ANGPTL2: variants seen among roughly 807,000 people sequenced by gnomAD.
ANGPTL2 encodes angiopoietin like 2.
A neutral mutation model predicts 52.8 loss-of-function variants in ANGPTL2; 25 were observed. That is an observed-to-expected ratio of 0.47 (90% CI 0.35 to 0.66). The LOEUF (loss-of-function observed/expected upper bound fraction) is 0.66, where lower values mean the gene tolerates loss of function less well. Among genes scored for constraint, ANGPTL2 ranks in the 30% least tolerant of loss-of-function variants. The pLI, the probability that ANGPTL2 is intolerant of heterozygous loss-of-function variation, is 0.01. For synonymous variants in ANGPTL2, 276 were observed against 277.4 expected, an observed-to-expected ratio of 1.00 and a Z score of 0.05; for missense variants, 546 against 656.9, an observed-to-expected ratio of 0.83 and a Z score of 1.84.
chr9:127,104,237 A>C (rs555832141), intron 2 of ANGPTL2, among the ~76,000 whole-genome samples: 169 of 152,228 alleles, frequency 1.1e-3, no homozygotes, highest in Non-Finnish European at 1.3e-3. Flanking sequence ...AGTTTCTGAC[A>C]AAGCCCGTCT....
At chr9:127,107,766 A>C (rs2054360541) in intron 2 of ANGPTL2, 149 bp downstream of exon 2, 1 of 725,998 alleles carries the variant, frequency 1.4e-6, no homozygotes, top group Non-Finnish European at 2.1e-6. Context: ...TGGCTCCAGC[A>C]GCTCAGCCCA....
At chr9:127,097,385 T>G (rs2053252097) in intron 2 of ANGPTL2, among the ~76,000 whole-genome samples, 1 of 152,276 alleles carries the variant, frequency 6.6e-6, no homozygotes, top group Non-Finnish European at 1.5e-5. Context: ...TGTGCATATG[T>G]GTCTGTACAC....
chr9:127,094,078 T>A, intron 2 of ANGPTL2, 152 bp from the exon 3 acceptor site: 1 of 753,626 alleles, frequency 1.3e-6, no homozygotes, highest in Non-Finnish European at 2.1e-6. Flanking sequence ...TTTGCGAGTT[T>A]AATAAGTAAT....
rs924329907 is a variant in ANGPTL2 at position 127,091,525 on chromosome 9, G to C, written c.1282+145C>G. 1.5e-5 allele frequency: 17 copies of C among 1,118,280 alleles called. No individual in the cohort carries two copies. Among genetic ancestry groups the C allele is most frequent in the Non-Finnish European group, 2.0e-5 (16 of 785,704 alleles). The allele number at this position is 1,118,280 out of a possible 1,614,324, so 69.3% of individuals were successfully genotyped here. ...CTGTGGGCAGGAGAAGGGACCCTCA[G>C]GGGGTGGTAACAGGGTCAGGCAGCT... On this transcript the variant is annotated intron_variant, in intron 4 of 4. Transcript: ENST00000373425. This position sits in a 1 kb window ranked among gnomAD's most constrained non-coding sequence, Gnocchi z 4.3.
chr9:127,108,951 A>G (rs1485188586), intron 1 of ANGPTL2, among the ~76,000 whole-genome samples, 171 bp from the exon 2 acceptor site: 2 of 152,194 alleles, frequency 1.3e-5, no homozygotes, highest in East Asian at 3.9e-4. Flanking sequence ...TTCTGGAAGC[A>G]AGAGGAGACA....
At chr9:127,104,051 C>A (rs1250366604) in intron 2 of ANGPTL2, among the ~76,000 whole-genome samples, 1 of 152,190 alleles carries the variant, frequency 6.6e-6, no homozygotes, top group Non-Finnish European at 1.5e-5. Context: ...CACCAACAGG[C>A]TCTGTTACAG....
rs2055228492 is a variant in ANGPTL2, at chr9:127,114,819, T to G, written c.-49-6039A>C. Among the ~76,000 whole-genome samples the G allele has an allele frequency of 2.6e-5, 4 of 152,380 alleles. 1 individual carries two copies. The South Asian group carries it at 8.3e-4, about 32-fold the overall frequency. ...TCGGGGTTCTGGGAAGCTAGAAGCCTGAGCTGTGCTTGAGTGAGTCTGGTG... is the reference window on the plus strand; with the variant it reads ...TCGGGGTTCTGGGAAGCTAGAAGCCGGAGCTGTGCTTGAGTGAGTCTGGTG... On this transcript the variant is annotated intron_variant, in intron 1 of 4. Transcript: ENST00000373425.
At chr9:127,100,669 G>A (rs1217688139) in intron 2 of ANGPTL2, among the ~76,000 whole-genome samples, 2 of 152,144 alleles carry the variant, frequency 1.3e-5, no homozygotes, top group African/African-American at 2.4e-5. Context: ...ACTAATGAGA[G>A]TGGCCATGGC....
intron 1 of ANGPTL2, among the ~76,000 whole-genome samples, chr9:127,112,587 T>C (rs1321671530): frequency 6.6e-6 from 1 of 152,258 alleles, no homozygotes; most frequent in East Asian, 1.9e-4. Flanking sequence ...ACATGGGCTC[T>C]CACAGCTCCC....
Position 127,115,901 on chromosome 9 carries a change from C to T in ANGPTL2, c.-50+6414G>A, listed in dbSNP as rs139137239. ...TGTCCTGGATGATTCACCATCAGCC[C>T]GGAGGCCAGGGAGGGCATATCCAGA... On this transcript the variant is annotated intron_variant, in intron 1 of 4. Coordinates refer to ENST00000373425, the MANE Select transcript of ANGPTL2 (RefSeq NM_012098.3). 2.0e-3 allele frequency among the ~76,000 whole-genome samples: 299 copies of T among 152,270 alleles called. 2 individuals are homozygous for T. The highest frequency in any genetic ancestry group is 6.6e-3 in the African/African-American group (276 of 41,552).
chr9:127,097,960 A>G (rs569637172), intron 2 of ANGPTL2, among the ~76,000 whole-genome samples: 1 of 152,346 alleles, frequency 6.6e-6, no homozygotes, highest in East Asian at 1.9e-4. Flanking sequence ...CATGAACCCA[A>G]GAGCGGCCAG....
chr9:127,108,767 G>A lies in ANGPTL2; in HGVS notation c.-36C>T. ...AAATGGTGGTTATTCTTTGTGAATA[G>A]AATCTATGAAAGCCTGAAAGTAAAC... On this transcript the variant is annotated 5_prime_UTR_variant, in exon 2 of 5. Transcript: ENST00000373425. 6.4e-7 allele frequency: 1 copy of A among 1,562,322 alleles called. No individual in the cohort carries two copies. The highest frequency in any genetic ancestry group is 8.7e-7 in the Non-Finnish European group (1 of 1,152,048).
At chr9:127,094,313 A>G (rs1184811279) in intron 2 of ANGPTL2, among the ~76,000 whole-genome samples, 1 of 152,144 alleles carries the variant, frequency 6.6e-6, no homozygotes, top group East Asian at 1.9e-4. Context: ...CGTGTTCATT[A>G]TATTAGGAAA....
At chr9:127,102,642 A>G (rs1437055564) in intron 2 of ANGPTL2, among the ~76,000 whole-genome samples, 2 of 152,140 alleles carry the variant, frequency 1.3e-5, no homozygotes, top group African/African-American at 4.8e-5. Flanking sequence ...GTAGCTTTCC[A>G]TCACCCTCAA....
chr9:127,088,894 TGGGCTCCTGGCAATGGCCAC>T lies in ANGPTL2; in HGVS notation c.*25_*44del, dbSNP rs2052094992. The T allele has an allele frequency of 6.2e-7, 1 of 1,608,904 alleles. No homozygotes were observed. The highest frequency in any genetic ancestry group is 1.1e-5 in the South Asian group (1 of 90,898). On this transcript the variant is annotated 3_prime_UTR_variant, in exon 5 of 5. Transcript: ENST00000373425. The stretch of plus-strand genomic sequence containing the variant: ...TGTGCTGTGGCCAGCGTGACCAGGG[TGGGCTCCTGGCAATGGCCAC>T]GAGAGGTCAGGAGGGGGAGCTGGCT...
At chr9:127,121,033 A>G (rs2056025461) in intron 1 of ANGPTL2, among the ~76,000 whole-genome samples, 1 of 152,114 alleles carries the variant, frequency 6.6e-6, no homozygotes, top group South Asian at 2.1e-4. Context: ...GAGCCACACC[A>G]CTGGGTTCAA....
intron 2 of ANGPTL2, among the ~76,000 whole-genome samples, chr9:127,099,608 C>T (rs1350986508): frequency 6.6e-6 from 1 of 152,240 alleles, no homozygotes; most frequent in Non-Finnish European, 1.5e-5. Flanking sequence ...GGGGTGGCTA[C>T]AGTGAGAAGC....
intron 4 of ANGPTL2, 54 bp from the exon 5 acceptor site, chr9:127,089,192 G>A (rs1030136850): frequency 1.4e-5 from 22 of 1,584,298 alleles, no homozygotes; most frequent in Admixed American, 8.3e-5. Context: ...TTCTACTTGC[G>A]TCCATAGTGC....
chr9:127,111,076 G>C (rs992678063), intron 1 of ANGPTL2, among the ~76,000 whole-genome samples: 58 of 151,998 alleles, frequency 3.8e-4, no homozygotes, highest in African/African-American at 1.4e-3. Flanking sequence ...TTCCTCCCTG[G>C]TCTCATCTCT....
Sources: allele counts gnomAD v4.1 joint callset (sites outside exome capture counted in the v4.1 genomes callset), GRCh38; gene constraint gnomAD v4.1.1; non-coding constraint Gnocchi (gnomAD v3.1); transcripts MANE v1.5; gene names NCBI Gene and HGNC (gene_info 2026-07-23, HGNC 2026-07-21).